The following CSMD1 variants were observed in gnomAD, a reference collection of about 807,000 sequenced individuals.
CSMD1 encodes the protein CUB and sushi domain-containing protein 1.
Under a neutral mutation model 417.5 loss-of-function variants are expected in CSMD1, and 213 were observed. The ratio of observed to expected loss-of-function variants is 0.51; its 90% CI spans 0.46 to 0.57. CSMD1 has a LOEUF of 0.57. Ranked by LOEUF, CSMD1 falls within the 20% of genes least tolerant of loss-of-function variation. CSMD1 has a pLI of 0.00. For synonymous variants in CSMD1, 2,862 were observed against 1,736.8 expected (o/e 1.65, Z -16.11); for missense variants, 6,923 against 4,529.7 (o/e 1.53, Z -15.17).
At chr8:3,297,068 T>A (rs560614010) in intron 25 of CSMD1, among the ~76,000 whole-genome samples, 1 of 152,192 alleles carries the variant, frequency 6.6e-6, no homozygotes, top group African/African-American at 2.4e-5. Flanking sequence ...TGGTCACATA[T>A]GTTTGCCATT....
At chr8:3,067,867 C>A (rs1813047908) in intron 49 of CSMD1, among the ~76,000 whole-genome samples, 1 of 151,670 alleles carries the variant, frequency 6.6e-6, no homozygotes. Context: ...ATATTATTAC[C>A]CTCCATTTTC....
chr8:3,612,649 C>G (rs531686487), intron 8 of CSMD1, among the ~76,000 whole-genome samples: 33 of 152,006 alleles, frequency 2.2e-4, no homozygotes, highest in African/African-American at 7.7e-4. Context: ...CAGTATATGG[C>G]AACAAAATAG....
intron 40 of CSMD1, among the ~76,000 whole-genome samples, chr8:3,144,788 G>A (rs1818733960): frequency 9.0e-6 from 1 of 111,532 alleles, no homozygotes; most frequent in Admixed American, 8.7e-5. Flanking sequence ...AGAGAAAGAG[G>A]CAACAAGGGG....
intron 3 of CSMD1, among the ~76,000 whole-genome samples, chr8:4,374,210 G>A (rs143627410): frequency 1.3e-5 from 2 of 152,052 alleles, no homozygotes; most frequent in African/African-American, 4.8e-5. Flanking sequence ...TTTGAGGAAG[G>A]ATTAACAGCA....
At chr8:4,895,482 G>C (rs1394660475) in intron 1 of CSMD1, among the ~76,000 whole-genome samples, 2 of 152,066 alleles carry the variant, frequency 1.3e-5, no homozygotes, top group Non-Finnish European at 2.9e-5. Flanking sequence ...CATTTGTCTA[G>C]TACATGTTTT....
intron 3 of CSMD1, among the ~76,000 whole-genome samples, chr8:4,041,309 G>T (rs11993888): frequency 6.6e-6 from 1 of 152,074 alleles, no homozygotes; most frequent in Admixed American, 6.5e-5. Flanking sequence ...GAGCCACCGC[G>T]CCTGGCCGGG....
chr8:4,080,907 G>C (rs965598507), intron 3 of CSMD1, among the ~76,000 whole-genome samples: 2 of 152,144 alleles, frequency 1.3e-5, no homozygotes, highest in Non-Finnish European at 2.9e-5. Flanking sequence ...ATAGTATTAA[G>C]AGGCAGGGCC....
intron 1 of CSMD1, among the ~76,000 whole-genome samples, chr8:4,689,192 T>C (rs1806596085): frequency 6.6e-6 from 1 of 152,220 alleles, no homozygotes; most frequent in African/African-American, 2.4e-5. Context: ...ATAGGTTTAT[T>C]CTTTTGTGTT....
intron 3 of CSMD1, among the ~76,000 whole-genome samples, chr8:4,097,623 C>G (rs868513641): frequency 6.6e-6 from 1 of 152,288 alleles, no homozygotes; most frequent in Middle Eastern, 3.4e-3. Flanking sequence ...GATAAGCTAT[C>G]TGCAACATAG....
At chr8:3,456,318 C>CTGCACCCACTGTCT (rs57728900) in intron 12 of CSMD1, among the ~76,000 whole-genome samples, 115,966 of 151,522 alleles carry the variant, frequency 0.77, 44,731 homozygotes, top group African/African-American at 0.87. Context: ...ACCCACTGTC[C>CTGCACCCACTGTCT]GACACTCCCC....
At chr8:3,260,816 A>T (rs748930591) in intron 26 of CSMD1, among the ~76,000 whole-genome samples, 2 of 152,178 alleles carry the variant, frequency 1.3e-5, no homozygotes, top group African/African-American at 2.4e-5. Flanking sequence ...CAAAACAGAA[A>T]AGCTTTTGCT....
intron 1 of CSMD1, among the ~76,000 whole-genome samples, chr8:4,839,523 G>A (rs189902720): frequency 1.6e-4 from 24 of 152,164 alleles, no homozygotes; most frequent in Admixed American, 1.3e-3. Flanking sequence ...GGGGCTCTGG[G>A]AGCAATTTCT....
intron 21 of CSMD1, among the ~76,000 whole-genome samples, chr8:3,349,810 A>G (rs941443006): frequency 8.7e-5 from 12 of 138,076 alleles, no homozygotes; most frequent in Non-Finnish European, 1.2e-4. Context: ...AATAGATATA[A>G]ATATACATAT....
At position 3,363,246 on chromosome 8, in the gene CSMD1, C is replaced by T. The variant is rs1448337990; in HGVS notation, c.3115+3786G>A. ...GCAATTAAAGAATGAGCGTACTCTC[C>T]TCTGTCCCAGGTACTCATGACTCAA... On this transcript the variant is annotated intron_variant, in intron 20 of 69. Coordinates refer to ENST00000635120, the MANE Select transcript of CSMD1 (RefSeq NM_033225.6). 2.0e-5 allele frequency among the ~76,000 whole-genome samples: 3 copies of T among 152,298 alleles called. No individual in the cohort carries two copies. In the East Asian group the frequency reaches 5.8e-4, roughly 30 times the overall value.
intron 50 of CSMD1, among the ~76,000 whole-genome samples, chr8:3,036,988 C>T (rs1245029055): frequency 6.6e-6 from 1 of 152,140 alleles, no homozygotes; most frequent in African/African-American, 2.4e-5. Context: ...CTATCATCCC[C>T]TTGAGTCCCC....
chr8:3,389,962 A>T (rs1010363105), intron 17 of CSMD1, among the ~76,000 whole-genome samples: 1 of 152,054 alleles, frequency 6.6e-6, no homozygotes, highest in African/African-American at 2.4e-5. Flanking sequence ...GGACGGGAGG[A>T]CTGTTGAGTG....
intron 52 of CSMD1, among the ~76,000 whole-genome samples, chr8:3,001,658 T>C (rs1217167952): frequency 1.3e-5 from 2 of 152,226 alleles, no homozygotes; most frequent in Non-Finnish European, 2.9e-5. Context: ...AGAGTACCCG[T>C]ATTCTAAAAA....
intron 7 of CSMD1, among the ~76,000 whole-genome samples, chr8:3,693,980 GTGT>G (rs1800399959): frequency 6.6e-6 from 1 of 150,702 alleles, no homozygotes; most frequent in Non-Finnish European, 1.5e-5. Context: ...TTGGGTATGT[GTGT>G]TGTTAGTGTG....
chr8:3,439,712 C>G (rs969852118), intron 12 of CSMD1, among the ~76,000 whole-genome samples: 2 of 151,848 alleles, frequency 1.3e-5, no homozygotes, highest in Non-Finnish European at 2.9e-5. Context: ...TTTTGGGGGA[C>G]AAGTCTAAGA....
Sources: allele counts gnomAD v4.1 joint callset (sites outside exome capture counted in the v4.1 genomes callset), GRCh38; gene constraint gnomAD v4.1.1; transcripts MANE v1.5; gene names NCBI Gene and HGNC (gene_info 2026-07-23, HGNC 2026-07-21).